Variants in MCF2L observed in about 807,000 individuals in gnomAD.
The protein encoded by MCF2L is guanine nucleotide exchange factor DBS.
MCF2L carries 97 observed loss-of-function variants against 153.4 expected under a neutral mutation model. The ratio of observed to expected loss-of-function variants is 0.63; its 90% CI spans 0.54 to 0.75. MCF2L has a LOEUF of 0.75. MCF2L is among the 30% of genes least tolerant of loss of function. The pLI, the probability that MCF2L is intolerant of heterozygous loss-of-function variation, is 0.00. For synonymous variants in MCF2L, 659 were observed against 632.2 expected (o/e 1.04, Z -0.64); for missense variants, 1,347 against 1,495.2 (o/e 0.90, Z 1.64).
chr13:112,961,307 C>T (rs1004136703), intron 2 of MCF2L, among the ~76,000 whole-genome samples: 3 of 152,238 alleles, frequency 2.0e-5, no homozygotes, highest in African/African-American at 2.4e-5. Flanking sequence ...TTGAAAGTGT[C>T]GAGTGATCTT....
rs769071029 is a variant in MCF2L, at chr13:113,075,003, C to G, written c.1122C>G (p.Ala374=). The G allele has an allele frequency of 1.2e-5, 19 of 1,598,414 alleles. No homozygotes were observed. The Admixed American group carries it at 1.8e-4, about 16-fold the overall frequency. The change falls in exon 11 of 30, where the codon GCC becomes GCG. Residue 374 remains alanine (A), a synonymous_variant. Coordinates refer to ENST00000535094, the MANE Select transcript of MCF2L (RefSeq NM_001112732.3). ...CTCTGGGTGGCCGTCCACAGGTGGC[C>G]GTGGAGAGGGCCCGGGCCCTGTCTC... is the stretch of plus-strand genomic sequence containing the variant. ...LASFEEKSGV[A]VERARALSLD...
rs2082982357 is a variant in MCF2L at position 112,993,599 on chromosome 13, G to A, written c.80-21164G>A. 1.3e-5 allele frequency among the ~76,000 whole-genome samples: 2 copies of A among 152,188 alleles called. No homozygotes were observed. Among genetic ancestry groups the A allele is most frequent in the South Asian group, 2.1e-4 (1 of 4,800 alleles). ...TGCCTGGAGAGAGGTTTCAGGGCAG[G>A]AGGGACGGGGCTTAGGGATGTTTCT... is the stretch of plus-strand genomic sequence containing the variant. On this transcript the variant is annotated intron_variant, in intron 1 of 29. Coordinates refer to ENST00000535094, the MANE Select transcript of MCF2L (RefSeq NM_001112732.3). The surrounding 1 kb of genome is among the most constrained non-coding windows in gnomAD (Gnocchi z 4.6).
At chr13:113,016,948 GC>G (rs575720107) in intron 2 of MCF2L, among the ~76,000 whole-genome samples, 192 of 152,330 alleles carry the variant, frequency 1.3e-3, no homozygotes, top group African/African-American at 4.1e-3. Flanking sequence ...CAGCCTCAGA[GC>G]CATGTACTGA....
At position 112,907,104 on chromosome 13, in the gene MCF2L, C is replaced by G. The variant is rs1456150823; in HGVS notation, c.169+4733C>G. On this transcript the variant is annotated intron_variant, in intron 2 of 29. Coordinates refer to the MCF2L transcript ENST00000375608. The surrounding 1 kb of genome is among the most constrained non-coding windows in gnomAD (Gnocchi z 5.1). ...GATTCCATGGCTGGACCTAATACTT[C>G]CATGCTTTATGGTAGGAGATTACAC... is the stretch of plus-strand genomic sequence containing the variant. Among the ~76,000 whole-genome samples the G allele has an allele frequency of 1.3e-5, 2 of 152,098 alleles. No individual in the cohort carries two copies. The highest frequency in any genetic ancestry group is 3.9e-4 in the East Asian group (2 of 5,170).
chr13:112,924,058 G>A (rs190096286), intron 2 of MCF2L, among the ~76,000 whole-genome samples: 6 of 152,108 alleles, frequency 3.9e-5, no homozygotes, highest in South Asian at 2.1e-4. Flanking sequence ...GGTTTATCCC[G>A]TTACTGGTGG....
intron 2 of MCF2L, among the ~76,000 whole-genome samples, chr13:112,952,595 G>A (rs2081706809): frequency 6.6e-6 from 1 of 152,300 alleles, no homozygotes; most frequent in Middle Eastern, 3.4e-3. Context: ...TCAATAGTTT[G>A]TGGATTGTTT....
chr13:112,974,123 C>T (rs535117204), intron 1 of MCF2L, among the ~76,000 whole-genome samples: 1 of 152,292 alleles, frequency 6.6e-6, no homozygotes, highest in South Asian at 2.1e-4. Context: ...CCTGCCGCTC[C>T]ACATCACCTG....
At chr13:113,087,596 G>T in intron 22 of MCF2L, 111 bp from the exon 23 acceptor site, 1 of 1,148,168 alleles carries the variant, frequency 8.7e-7, no homozygotes, top group Non-Finnish European at 1.3e-6. Flanking sequence ...GCCATTCTTA[G>T]CCCTCACCCC....
At chr13:112,979,544 C>G in intron 1 of MCF2L, 1 of 1,528,536 alleles carries the variant, frequency 6.5e-7, no homozygotes, top group South Asian at 1.2e-5. Context: ...ACCCGCCCGG[C>G]TTTTAGCTGT....
In MCF2L at chr13:112,904,859, T is replaced by C. The variant is rs1011838627; in HGVS notation, c.169+2488T>C. 2.6e-5 allele frequency among the ~76,000 whole-genome samples: 4 copies of C among 152,262 alleles called. No individual in the cohort carries two copies. Among genetic ancestry groups the C allele is most frequent in the African/African-American group, 9.6e-5 (4 of 41,480 alleles). On this transcript the variant is annotated intron_variant, in intron 2 of 29. Transcript: ENST00000375608. The surrounding 1 kb of genome is among the most constrained non-coding windows in gnomAD (Gnocchi z 4.2). ...CCTAGCCCAGCTGGCTGGAGACAGTTGGTGGTGATGAAACCTGTTTGTATC... is the reference window on the plus strand; with the variant it reads ...CCTAGCCCAGCTGGCTGGAGACAGTCGGTGGTGATGAAACCTGTTTGTATC...
At chr13:112,927,421 G>A (rs2081418948) in intron 2 of MCF2L, among the ~76,000 whole-genome samples, 1 of 152,152 alleles carries the variant, frequency 6.6e-6, no homozygotes, top group South Asian at 2.1e-4. Flanking sequence ...GCCCAGTTGT[G>A]GTCTCCTCAT....
At chr13:113,030,305 A>ATACCCGGTGTGGACTCTCAGGTGTC (rs60592761) in intron 3 of MCF2L, among the ~76,000 whole-genome samples, 1 of 102,386 alleles carries the variant, frequency 9.8e-6, no homozygotes, top group African/African-American at 4.3e-5. Flanking sequence ...GTGTCCGCCG[A>ATACCCGGTGTGGACTCTCAGGTGTC]CGCCCGGTGT....
At chr13:112,935,272 T>G (rs1439871706) in intron 2 of MCF2L, among the ~76,000 whole-genome samples, 1 of 152,238 alleles carries the variant, frequency 6.6e-6, no homozygotes, top group Non-Finnish European at 1.5e-5. Context: ...ATACTTTTTT[T>G]TTGAGATGGA....
rs1262727317 is a variant in MCF2L at position 113,074,310 on chromosome 13, T to A, written c.997-134T>A. The A allele has an allele frequency of 5.3e-6, 6 of 1,129,334 alleles. No homozygotes were observed. Among genetic ancestry groups the A allele is most frequent in the Non-Finnish European group, 1.3e-6 (1 of 775,458 alleles). The allele number at this position is 1,129,334 out of a possible 1,614,324, so 70.0% of individuals were successfully genotyped here. ...GGCCGACTTTGCACCTGTCTGACTG[T>A]GGTCCCTGCTTGATTGATGACCACT... is the stretch of plus-strand genomic sequence containing the variant. On this transcript the variant is annotated intron_variant, in intron 9 of 29. Coordinates refer to ENST00000535094, the MANE Select transcript of MCF2L (RefSeq NM_001112732.3). This position sits in a 1 kb window ranked among gnomAD's most constrained non-coding sequence, Gnocchi z 4.2.
At chr13:113,001,980 G>A (rs781775313) in intron 1 of MCF2L, 13 of 1,583,198 alleles carry the variant, frequency 8.2e-6, no homozygotes, top group South Asian at 1.1e-5. Flanking sequence ...GAAGGCCGGC[G>A]CAGGTGCGTG....
chr13:113,013,065 C>T (rs1040099626), intron 1 of MCF2L, among the ~76,000 whole-genome samples: 1 of 152,116 alleles, frequency 6.6e-6, no homozygotes, highest in Non-Finnish European at 1.5e-5. Context: ...CTGGTTTCCT[C>T]TCAGGTCACA....
chr13:113,086,124 G>A lies in MCF2L; in HGVS notation c.2248G>A (p.Glu750Lys). The A allele has an allele frequency of 1.9e-6, 3 of 1,605,162 alleles. No homozygotes were observed. The highest frequency in any genetic ancestry group is 2.6e-6 in the Non-Finnish European group (3 of 1,175,922). The change falls in exon 21 of 30, where the codon GAA becomes AAA. Residue 750 changes from glutamate (E) to lysine (K), a missense_variant and splice_region_variant. By Grantham distance (56) the Glu-to-Lys change is moderately conservative. Coordinates refer to ENST00000535094, the MANE Select transcript of MCF2L (RefSeq NM_001112732.3). ...RITKYQLLLK[E>K]MLKYSRNCEG... is the part of the protein sequence containing the mutation. ...GGTTGCCTCACCCCATGCCCCTCAG[G>A]AAATGCTGAAATACAGCAGGAACTG...
chr13:112,908,110 C>T (rs1021761193), intron 2 of MCF2L, among the ~76,000 whole-genome samples: 1 of 152,160 alleles, frequency 6.6e-6, no homozygotes, highest in Admixed American at 6.5e-5. Context: ...CATTTGGGAA[C>T]GAGTTGTGTT....
rs1014518404 is a variant in MCF2L at position 113,035,483 on chromosome 13, T to C, written c.279-9788T>C. On this transcript the variant is annotated intron_variant, in intron 3 of 29. Coordinates refer to ENST00000535094, the MANE Select transcript of MCF2L (RefSeq NM_001112732.3). The surrounding 1 kb of genome is among the most constrained non-coding windows in gnomAD (Gnocchi z 4.4). Reference sequence around the variant, plus strand: ...TTGCCGTTTTCCGCCTCAAACCCCCTCTGCGATGTGCAGCTCTGGGTGTCT... The same window carrying C: ...TTGCCGTTTTCCGCCTCAAACCCCCCCTGCGATGTGCAGCTCTGGGTGTCT... 1.3e-5 allele frequency among the ~76,000 whole-genome samples: 2 copies of C among 152,104 alleles called. No individual in the cohort carries two copies. The highest frequency in any genetic ancestry group is 2.9e-5 in the Non-Finnish European group (2 of 68,024).
Sources: allele counts gnomAD v4.1 joint callset (sites outside exome capture counted in the v4.1 genomes callset), GRCh38; gene constraint gnomAD v4.1.1; non-coding constraint Gnocchi (gnomAD v3.1); transcripts MANE v1.5; gene names NCBI Gene and HGNC (gene_info 2026-07-23, HGNC 2026-07-21).